The following ANKRD36C variants were observed in gnomAD, a reference collection of about 807,000 sequenced individuals.
ANKRD36C encodes ankyrin repeat domain-containing protein 36C.
In ANKRD36C, 61 loss-of-function variants were observed where a neutral mutation model predicts 276.4. The observed-to-expected ratio is 0.22, with a 90% CI of 0.18 to 0.27. The LOEUF (loss-of-function observed/expected upper bound fraction) is 0.27. Ranked by LOEUF, ANKRD36C falls within the 10% of genes least tolerant of loss-of-function variation. The pLI, the probability that ANKRD36C is intolerant of heterozygous loss-of-function variation, is 1.00. For missense variants in ANKRD36C, 1,447 were observed against 2,032.3 expected (o/e 0.71, Z 5.54); for synonymous variants, 483 against 680.1 (o/e 0.71, Z 4.51).
chr2:95,940,970 T>A (rs1197633327), intron 20 of ANKRD36C, among the ~76,000 whole-genome samples, 190 bp downstream of exon 20: 1 of 149,128 alleles, frequency 6.7e-6, no homozygotes, highest in East Asian at 1.9e-4. Flanking sequence ...TAATTTAATG[T>A]AATTTAACAA....
intron 62 of ANKRD36C, 110 bp downstream of exon 82, chr2:95,857,199 A>G: frequency 1.6e-6 from 2 of 1,290,252 alleles, no homozygotes; most frequent in South Asian, 2.0e-5. Context: ...TTAAGATGAA[A>G]TAAAATTTGG....
chr2:95,895,918 G>A (rs1397415786), intron 44 of ANKRD36C, among the ~76,000 whole-genome samples: 6 of 150,638 alleles, frequency 4.0e-5, no homozygotes, highest in East Asian at 2.0e-4. Flanking sequence ...ACTCATACAC[G>A]TGAGAATCAA....
chr2:95,915,615 T>A (rs1203286987), intron 38 of ANKRD36C, among the ~76,000 whole-genome samples: 1 of 151,526 alleles, frequency 6.6e-6, no homozygotes, highest in Non-Finnish European at 1.5e-5. Flanking sequence ...CTTTTCTGTC[T>A]GTTTTTAGCC....
At chr2:95,874,680 G>A (rs1313739374) in intron 59 of ANKRD36C, among the ~76,000 whole-genome samples, 2 of 152,126 alleles carry the variant, frequency 1.3e-5, no homozygotes, top group African/African-American at 4.8e-5. Context: ...TTGACAGATG[G>A]GATCTAATTA....
intron 44 of ANKRD36C, 32 bp downstream of exon 59, chr2:95,897,405 C>A: frequency 6.5e-7 from 1 of 1,545,356 alleles, no homozygotes; most frequent in Non-Finnish European, 8.8e-7. Context: ...TATACATTTA[C>A]TAGTTCACAA....
intron 46 of ANKRD36C, among the ~76,000 whole-genome samples, chr2:95,891,239 AG>A (rs1261105007): frequency 1.1e-3 from 173 of 150,842 alleles, no homozygotes; most frequent in Non-Finnish European, 1.2e-4. Flanking sequence ...TTGCTACACC[AG>A]GGGTCTCCTT....
intron 53 of ANKRD36C, 43 bp from the exon 74 acceptor site, chr2:95,884,288 T>C (rs1157467450): frequency 6.2e-7 from 1 of 1,610,168 alleles, no homozygotes; most frequent in Admixed American, 1.7e-5. Flanking sequence ...ATAAAGTATG[T>C]TTCATAGACT....
chr2:95,907,961 A>C (rs575561051), intron 42 of ANKRD36C, among the ~76,000 whole-genome samples: 64 of 150,294 alleles, frequency 4.3e-4, no homozygotes, highest in African/African-American at 1.4e-3. Flanking sequence ...AATGCATCTG[A>C]AGTGAGTTCA....
chr2:95,919,912 G>A, intron 34 of ANKRD36C: 2 of 1,546,016 alleles, frequency 1.3e-6, no homozygotes, highest in Non-Finnish European at 1.7e-6. Flanking sequence ...GGTTGTTTCT[G>A]AGAAGACACT....
rs985569374 is a variant in ANKRD36C, at chr2:95,873,373, A to C, written c.3540+3066T>G. Among the ~76,000 whole-genome samples the C allele has an allele frequency of 1.4e-4, 21 of 152,354 alleles. No homozygotes were observed. In the East Asian group the frequency reaches 2.9e-3, roughly 21 times the overall value. On this transcript the variant is annotated intron_variant, in intron 59 of 66. Transcript: ENST00000456556. ...CAAGGCTGCTTCAATATACGCAAAT[A>C]AATAAATGTAATCCAGCTTATAAAC...
At chr2:95,919,641 T>TCCCCC in intron 34 of ANKRD36C, 92 bp downstream of exon 36, 2 of 567,012 alleles carry the variant, frequency 3.5e-6, no homozygotes, top group Non-Finnish European at 4.4e-6. Context: ...CTTCGGCGAC[T>TCCCCC]CCCCCCACCC....
chr2:95,944,670 T>C, exon 19 of ANKRD36C: 1 of 1,537,222 alleles, frequency 6.5e-7, no homozygotes, highest in African/African-American at 1.4e-5. Context: ...ATTTTCTGTT[T>C]TGTCAATGCC....
exon 1 of ANKRD36C, chr2:95,991,717 G>A: frequency 1.2e-6 from 2 of 1,611,432 alleles, no homozygotes; most frequent in East Asian, 4.5e-5. Context: ...ATAATGGTCG[G>A]CTGCAAATTG....
chr2:95,977,699 G>A (rs1289501810), intron 6 of ANKRD36C, among the ~76,000 whole-genome samples: 1 of 152,030 alleles, frequency 6.6e-6, no homozygotes, highest in Non-Finnish European at 1.5e-5. Flanking sequence ...GGGATTGGCA[G>A]CACTAAATCC....
intron 58 of ANKRD36C, among the ~76,000 whole-genome samples, chr2:95,879,945 G>C (rs1228725316): frequency 2.1e-5 from 3 of 142,120 alleles, no homozygotes; most frequent in African/African-American, 8.0e-5. Context: ...CTTTGGGAGG[G>C]CGAGGCGGGA....
At chr2:95,908,875 A>G (rs1455073770) in intron 42 of ANKRD36C, among the ~76,000 whole-genome samples, 178 bp from the exon 47 acceptor site, 2 of 151,326 alleles carry the variant, frequency 1.3e-5, no homozygotes, top group Non-Finnish European at 3.0e-5. Flanking sequence ...AAAAGGGAAT[A>G]CAGGCTCCAC....
exon 19 of ANKRD36C, chr2:95,944,655 G>A (rs1448456956): frequency 6.5e-7 from 1 of 1,537,226 alleles, no homozygotes; most frequent in East Asian, 2.4e-5. Context: ...TTCAAACAAG[G>A]TTCCATTTTC....
intron 52 of ANKRD36C, among the ~76,000 whole-genome samples, chr2:95,884,593 G>C (rs1676160359): frequency 6.6e-6 from 1 of 151,996 alleles, no homozygotes; most frequent in South Asian, 2.1e-4. Flanking sequence ...GGTATGATTT[G>C]TCATATGTCT....
At chr2:95,883,757 A>G (rs1411911489) in intron 54 of ANKRD36C, among the ~76,000 whole-genome samples, 1 of 152,024 alleles carries the variant, frequency 6.6e-6, no homozygotes, top group African/African-American at 2.4e-5. Context: ...CGGTCTCGTT[A>G]GTTCTTGTTC....
Sources: gnomAD v4.1 joint callset for allele counts (sites outside exome capture counted in the v4.1 genomes callset) on GRCh38, gnomAD v4.1.1 for gene constraint, MANE v1.5 for transcripts, NCBI Gene and HGNC (gene_info 2026-07-23, HGNC 2026-07-21) for gene names.